Variants in MAN2A1 observed in about 807,000 individuals in gnomAD.
MAN2A1 encodes the protein mannosidase alpha class 2A member 1.
A neutral mutation model predicts 142.6 loss-of-function variants in MAN2A1; 76 were observed. The ratio of observed to expected loss-of-function variants is 0.53; its 90% CI spans 0.44 to 0.65. MAN2A1 has a LOEUF of 0.65. MAN2A1 is among the 30% of genes least tolerant of loss of function. The pLI is 0.00. For missense variants in MAN2A1, 1,311 were observed against 1,365.1 expected, an observed-to-expected ratio of 0.96 and a Z score of 0.62; for synonymous variants, 559 against 473.2, an observed-to-expected ratio of 1.18 and a Z score of -2.35.
At chr5:109,723,480 T>G (rs1751660585) in intron 3 of MAN2A1, among the ~76,000 whole-genome samples, 1 of 152,192 alleles carries the variant, frequency 6.6e-6, no homozygotes, top group South Asian at 2.1e-4. Context: ...TTTGTCTCCT[T>G]GACCTCTTAT....
chr5:109,789,863 G>T (rs1384190735), intron 12 of MAN2A1, among the ~76,000 whole-genome samples: 2 of 151,528 alleles, frequency 1.3e-5, no homozygotes, highest in African/African-American at 2.4e-5. Flanking sequence ...TAACTACCTT[G>T]TTTTCATTAA....
intron 8 of MAN2A1, among the ~76,000 whole-genome samples, chr5:109,775,299 T>C (rs1421465774): frequency 6.6e-6 from 1 of 152,182 alleles, no homozygotes; most frequent in Non-Finnish European, 1.5e-5. Context: ...TTTACCAACA[T>C]TGAAAGTCTG....
Position 109,818,295 on chromosome 5 carries a change from C to T in MAN2A1, c.2109+857C>T, listed in dbSNP as rs573422670. Among the ~76,000 whole-genome samples, 11 of 152,188 alleles carry T rather than the reference C, an allele frequency of 7.2e-5. No individual in the cohort carries two copies. In the South Asian group the frequency reaches 8.3e-4, roughly 11 times the overall value. On this transcript the variant is annotated intron_variant, in intron 13 of 21. Coordinates refer to ENST00000261483, the MANE Select transcript of MAN2A1 (RefSeq NM_002372.4). The stretch of plus-strand genomic sequence containing the variant: ...CTGGGATTACAGGCATGTGCCACCA[C>T]GCCTGGCTAATTTTGTATTTTTAGT...
chr5:109,832,744 G>T (rs887683224), intron 16 of MAN2A1, among the ~76,000 whole-genome samples: 4 of 151,314 alleles, frequency 2.6e-5, no homozygotes, highest in South Asian at 2.1e-4. Flanking sequence ...TTCCCTCCCG[G>T]ATGGGGCGGC....
chr5:109,726,625 G>C (rs1196524370), intron 3 of MAN2A1, among the ~76,000 whole-genome samples: 1 of 152,166 alleles, frequency 6.6e-6, no homozygotes, highest in Admixed American at 6.5e-5. Flanking sequence ...TGATTCCTCT[G>C]TGAAAACTCC....
chr5:109,845,310 G>T (rs1179852113), intron 17 of MAN2A1, among the ~76,000 whole-genome samples: 2 of 152,064 alleles, frequency 1.3e-5, no homozygotes, highest in Non-Finnish European at 2.9e-5. Flanking sequence ...TTGGAATTTG[G>T]AACTATCTAC....
intron 4 of MAN2A1, among the ~76,000 whole-genome samples, chr5:109,743,970 G>A (rs1752336913): frequency 1.3e-5 from 2 of 152,114 alleles, no homozygotes; most frequent in Admixed American, 6.5e-5. Flanking sequence ...AGCCACGGGT[G>A]TCCTCAGACA....
At chr5:109,766,728 G>T (rs535320444) in intron 5 of MAN2A1, among the ~76,000 whole-genome samples, 4 of 152,094 alleles carry the variant, frequency 2.6e-5, no homozygotes, top group Admixed American at 1.3e-4. Context: ...ACTTATGTCA[G>T]TTTATAAGTT....
intron 8 of MAN2A1, among the ~76,000 whole-genome samples, chr5:109,779,584 A>ACAC (rs1293213572): frequency 0.13 from 6,430 of 50,418 alleles, 157 homozygotes; most frequent in Non-Finnish European, 0.17. Flanking sequence ...CACACACACA[A>ACAC]ACACACACAG....
intron 3 of MAN2A1, among the ~76,000 whole-genome samples, chr5:109,724,761 G>T (rs1751697734): frequency 6.6e-6 from 1 of 152,110 alleles, no homozygotes; most frequent in Non-Finnish European, 1.5e-5. Context: ...GGAGCGGGGT[G>T]CCTTCTTAGG....
At chr5:109,739,955 A>T (rs1752219915) in intron 4 of MAN2A1, among the ~76,000 whole-genome samples, 2 of 152,348 alleles carry the variant, frequency 1.3e-5, no homozygotes, top group South Asian at 4.1e-4. Flanking sequence ...AAGCAGACAC[A>T]GAAGAATGTT....
chr5:109,767,784 G>C, intron 6 of MAN2A1, 76 bp downstream of exon 6: 1 of 1,258,146 alleles, frequency 7.9e-7, no homozygotes, highest in Non-Finnish European at 1.1e-6. Context: ...TCATGCCACT[G>C]TGGGTTTTGT....
At position 109,817,400 on chromosome 5, in the gene MAN2A1, T is replaced by G. The variant is rs1314879716; in HGVS notation, c.2071T>G (p.Trp691Gly). The part of the protein sequence containing the change: ...KPVEVQVSAV[W>G]DTANTISETA... ...TGTGGAAGTTCAAGTCAGCGCAGTTTGGGATACAGCAAATACTATTTCAGA... is the reference window on the plus strand; with the variant it reads ...TGTGGAAGTTCAAGTCAGCGCAGTTGGGGATACAGCAAATACTATTTCAGA... Residue 691 changes from tryptophan (W) to glycine (G), a missense_variant, in exon 13 of 22, where the codon TGG (tryptophan) becomes GGG (glycine). By Grantham distance (184) the Trp-to-Gly change is radical (BLOSUM62 -2). This residue lies in a region of MAN2A1 where 890 missense variants were observed against 920.5 expected (regional missense o/e 0.97). Coordinates refer to ENST00000261483, the MANE Select transcript of MAN2A1 (RefSeq NM_002372.4). 6.2e-7 allele frequency: 1 copy of G among 1,614,004 alleles called. No homozygotes were observed. Among genetic ancestry groups the G allele is most frequent in the Non-Finnish European group, 8.5e-7 (1 of 1,179,998 alleles).
chr5:109,711,911 AG>A (rs3216685), intron 1 of MAN2A1, among the ~76,000 whole-genome samples: 113,096 of 151,984 alleles, frequency 0.74, 43,310 homozygotes, highest in East Asian at 0.94. Context: ...TAATGTGTAG[AG>A]GGGCTCTTTC....
chr5:109,792,004 T>C (rs1003870059), intron 12 of MAN2A1, among the ~76,000 whole-genome samples: 2 of 152,146 alleles, frequency 1.3e-5, no homozygotes, highest in South Asian at 2.1e-4. Context: ...CACACAGTTA[T>C]GTGAGCTATA....
In MAN2A1 at chr5:109,729,477, A is replaced by C; in HGVS notation, c.671A>C (p.Asp224Ala). ...ATCTCTTACCTTTCAAAGTGGTGGGATATTATAGATATTCAGAAGAAGGAT... is the reference window on the plus strand; with the variant it reads ...ATCTCTTACCTTTCAAAGTGGTGGGCTATTATAGATATTCAGAAGAAGGAT... ...SEISYLSKWW[D>A]IIDIQKKDAV... The change falls in exon 4 of 22, where the codon GAT becomes GCT. Residue 224 changes from aspartate to alanine, a missense_variant. Asp to Ala is a moderately radical substitution (Grantham distance 126). Transcript: ENST00000261483. The C allele has an allele frequency of 6.4e-7, 1 of 1,557,700 alleles. No homozygotes were observed. The highest frequency in any genetic ancestry group is 8.7e-7 in the Non-Finnish European group (1 of 1,155,782).
chr5:109,731,435 T>C (rs978978164), intron 4 of MAN2A1, among the ~76,000 whole-genome samples: 1 of 151,636 alleles, frequency 6.6e-6, no homozygotes, highest in African/African-American at 2.4e-5. Flanking sequence ...TATGTATACA[T>C]GTGCTATGCT....
At position 109,755,457 on chromosome 5, in the gene MAN2A1, G is replaced by T. The variant is rs1752663704; in HGVS notation, c.835+1G>T. ...CATCAGTGGCTGGAAAATAATATAG[G>T]TATGTATTGGTATATTCTTTATTTG... On this transcript the variant is annotated splice_donor_variant, in intron 5 of 21. Coordinates refer to ENST00000261483, the MANE Select transcript of MAN2A1 (RefSeq NM_002372.4). LOFTEE classifies it high-confidence loss of function. 2 of 1,608,020 alleles carry T rather than the reference G, an allele frequency of 1.2e-6. No individual in the cohort carries two copies. The highest frequency in any genetic ancestry group is 2.7e-5 in the African/African-American group (2 of 74,674).
At chr5:109,699,862 G>A (rs1051297280) in intron 1 of MAN2A1, 6 of 151,736 alleles carry the variant, frequency 4.0e-5, no homozygotes, top group East Asian at 1.9e-4. Flanking sequence ...AATAAAAAAT[G>A]TTAAAAAAAA....
Sources: gnomAD v4.1 joint callset for allele counts (sites outside exome capture counted in the v4.1 genomes callset) on GRCh38, gnomAD v4.1.1 for gene constraint, gnomAD v4.1.1 regional missense constraint, MANE v1.5 for transcripts, NCBI Gene and HGNC (gene_info 2026-07-23, HGNC 2026-07-21) for gene names.